Variants in TMEM150C observed in about 807,000 individuals in gnomAD.
The protein encoded by TMEM150C is tentonin 3.
A neutral mutation model predicts 29.9 loss-of-function variants in TMEM150C; 10 were observed. The ratio of observed to expected loss-of-function variants is 0.33; its 90% confidence interval spans 0.21 to 0.57. The LOEUF is 0.57. Ranked by LOEUF, TMEM150C falls within the 20% of genes least tolerant of loss-of-function variation. The pLI, the probability that TMEM150C is intolerant of heterozygous loss-of-function variation, is 0.88. For missense variants in TMEM150C, 251 were observed against 303.6 expected, an observed-to-expected ratio of 0.83 and a Z score of 1.29; for synonymous variants, 101 against 112.5, an observed-to-expected ratio of 0.90 and a Z score of 0.64.
Position 82,495,767 on chromosome 4 carries a change from C to T in TMEM150C, c.363+301G>A, listed in dbSNP as rs1037435611. On this transcript the variant is annotated intron_variant, in intron 6 of 7. Coordinates refer to ENST00000449862, the MANE Select transcript of TMEM150C (RefSeq NM_001080506.3). The stretch of plus-strand genomic sequence containing the variant: ...CGGACCACATAACCCTTCCATTCTT[C>T]ACCCAGAGCATAAGCAGCAATTTCT... 1.8e-5 allele frequency: 7 copies of T among 383,866 alleles called. No individual in the cohort carries two copies. In the Admixed American group the frequency reaches 2.3e-4, roughly 13 times the overall value. 23.8% of individuals were successfully genotyped at this position (383,866 alleles called of 1,614,324 possible).
At chr4:82,543,667 T>C (rs1725264505) in intron 1 of TMEM150C, among the ~76,000 whole-genome samples, 1 of 152,212 alleles carries the variant, frequency 6.6e-6, no homozygotes, top group Non-Finnish European at 1.5e-5. Flanking sequence ...CCTATGCCCA[T>C]ATACAACATA....
chr4:82,543,743 T>A (rs1388465977), intron 1 of TMEM150C, among the ~76,000 whole-genome samples: 2 of 152,188 alleles, frequency 1.3e-5, no homozygotes, highest in Non-Finnish European at 2.9e-5. Flanking sequence ...TCAATATTTT[T>A]CCTAAAATTA....
intron 5 of TMEM150C, among the ~76,000 whole-genome samples, chr4:82,501,487 A>G (rs1219821278): frequency 6.6e-6 from 1 of 152,170 alleles, no homozygotes; most frequent in Non-Finnish European, 1.5e-5. Context: ...GCTTTGGCAA[A>G]TGGGATACGC....
chr4:82,554,422 T>C (rs1233661032), intron 1 of TMEM150C, among the ~76,000 whole-genome samples: 1 of 152,186 alleles, frequency 6.6e-6, no homozygotes, highest in Non-Finnish European at 1.5e-5. Context: ...CACTATTCAC[T>C]CATGAATCAA....
chr4:82,499,719 CAAAAAAAA>C (rs1197264258), intron 5 of TMEM150C, among the ~76,000 whole-genome samples: 1 of 40,300 alleles, frequency 2.5e-5, no homozygotes, highest in South Asian at 1.5e-3. Context: ...ACTCCGTCTC[CAAAAAAAA>C]AAAAAAAAAA....
intron 2 of TMEM150C, among the ~76,000 whole-genome samples, chr4:82,503,689 A>C (rs1313734274): frequency 6.6e-6 from 1 of 152,072 alleles, no homozygotes; most frequent in Non-Finnish European, 1.5e-5. Flanking sequence ...ACTCTACTAA[A>C]AATACAAAAA....
In TMEM150C at chr4:82,548,515, T is replaced by C. The variant is rs536592734; in HGVS notation, c.-11+13391A>G. 2.8e-3 allele frequency among the ~76,000 whole-genome samples: 422 copies of C among 152,296 alleles called. 1 individual carries two copies. The highest frequency in any genetic ancestry group is 9.7e-3 in the African/African-American group (401 of 41,542). On this transcript the variant is annotated intron_variant, in intron 1 of 7. Coordinates refer to ENST00000449862, the MANE Select transcript of TMEM150C (RefSeq NM_001080506.3). ...GGCAAGTCTACCATCTCCTTTCCCA[T>C]TGCCTTTCTGAGCATGCTGCAGTCC...
At chr4:82,491,407 T>G (rs1489090897) in intron 6 of TMEM150C, 2 of 654,012 alleles carry the variant, frequency 3.1e-6, no homozygotes, top group African/African-American at 3.6e-5. Context: ...CTTACAGAGG[T>G]TAATTGCAGC....
chr4:82,504,839 G>A (rs556154350), intron 1 of TMEM150C, among the ~76,000 whole-genome samples, 172 bp from the exon 2 acceptor site: 1 of 152,210 alleles, frequency 6.6e-6, no homozygotes, highest in African/African-American at 2.4e-5. Flanking sequence ...GACCATCCTG[G>A]CTAACACAGT....
chr4:82,511,378 T>G (rs931720914), intron 1 of TMEM150C, among the ~76,000 whole-genome samples: 2 of 152,016 alleles, frequency 1.3e-5, no homozygotes, highest in Admixed American at 1.3e-4. Context: ...TTCATTCAAC[T>G]GATAGATGAC....
rs368239395 is a variant in TMEM150C at position 82,490,047 on chromosome 4, C to T, written c.541+14G>A. 214 of 1,608,536 alleles carry T rather than the reference C, an allele frequency of 1.3e-4. No individual in the cohort carries two copies. The highest frequency in any genetic ancestry group is 1.7e-4 in the Non-Finnish European group (199 of 1,176,794). On this transcript the variant is annotated intron_variant, in intron 7 of 7. Coordinates refer to ENST00000449862, the MANE Select transcript of TMEM150C (RefSeq NM_001080506.3). ...TCTTACTGGCAAAAGAAGCTTTTCA[C>T]GTTCAAAGGATACAGAGGACCACAC...
At chr4:82,515,578 A>T (rs550258966) in intron 1 of TMEM150C, among the ~76,000 whole-genome samples, 8 of 152,080 alleles carry the variant, frequency 5.3e-5, no homozygotes, top group Non-Finnish European at 1.2e-4. Flanking sequence ...CTCTACTAAA[A>T]ATAAAAAAAT....
intron 6 of TMEM150C, 36 bp from the exon 7 acceptor site, chr4:82,490,274 A>G: frequency 6.3e-7 from 1 of 1,595,102 alleles, no homozygotes; most frequent in East Asian, 2.2e-5. Flanking sequence ...ATGAAGGCCC[A>G]TTCAGCAAAG....
Position 82,559,841 on chromosome 4 carries a change from T to C in TMEM150C, c.-11+2065A>G, listed in dbSNP as rs546367017. On this transcript the variant is annotated intron_variant, in intron 1 of 7. Transcript: ENST00000449862. ...ACTGAACTGATCCCAAATGGCCAGA[T>C]TGCAGTGAAACCAAATGGCTGAGAT... 1.6e-4 allele frequency among the ~76,000 whole-genome samples: 24 copies of C among 152,270 alleles called. 1 individual carries two copies. In the South Asian group the frequency reaches 4.1e-3, roughly 26 times the overall value.
intron 1 of TMEM150C, among the ~76,000 whole-genome samples, chr4:82,550,006 G>A (rs150808657): frequency 1.8e-3 from 272 of 152,198 alleles, no homozygotes; most frequent in African/African-American, 6.4e-3. Context: ...AAAGAAAAAT[G>A]GACATCATAT....
intron 1 of TMEM150C, among the ~76,000 whole-genome samples, chr4:82,537,670 A>T (rs1454296723): frequency 6.6e-6 from 1 of 152,206 alleles, no homozygotes; most frequent in Non-Finnish European, 1.5e-5. Context: ...TTGAGAAGTG[A>T]TCTTCCTGGA....
chr4:82,550,819 G>GGAA (rs1275531688), intron 1 of TMEM150C, among the ~76,000 whole-genome samples: 14 of 152,060 alleles, frequency 9.2e-5, no homozygotes, highest in African/African-American at 3.4e-4. Flanking sequence ...AAGAAAGAAA[G>GGAA]GAAGAGCTGG....
chr4:82,485,092 C>A lies in TMEM150C; in HGVS notation c.*419G>T. On this transcript the variant is annotated 3_prime_UTR_variant, in exon 8 of 8. Transcript: ENST00000449862. Reference sequence around the variant, plus strand: ...CACTCAAGAATATTAGTGCCAGATTCAGAACTTCCTCACGAGCTGGTTCCA... The same window carrying A: ...CACTCAAGAATATTAGTGCCAGATTAAGAACTTCCTCACGAGCTGGTTCCA... The A allele has an allele frequency of 5.6e-6, 1 of 179,850 alleles. No homozygotes were observed. 11.1% of individuals were successfully genotyped at this position (179,850 alleles called of 1,614,324 possible). A position where few individuals can be genotyped will look rare whatever the true frequency, so the allele number is the denominator to read the frequency against.
chr4:82,500,150 C>G (rs1462758685), intron 5 of TMEM150C, among the ~76,000 whole-genome samples: 2 of 152,276 alleles, frequency 1.3e-5, no homozygotes, highest in African/African-American at 4.8e-5. Flanking sequence ...AATAATTGAG[C>G]ATTCAATCTT....
Sources: gnomAD v4.1 joint callset for allele counts (sites outside exome capture counted in the v4.1 genomes callset) on GRCh38, gnomAD v4.1.1 for gene constraint, MANE v1.5 for transcripts, NCBI Gene and HGNC (gene_info 2026-07-23, HGNC 2026-07-21) for gene names.